PCDH15: variants seen among roughly 807,000 people sequenced by gnomAD.
PCDH15 encodes protocadherin related 15.
In PCDH15, 129 loss-of-function variants were observed where a neutral mutation model predicts 178.5. The observed-to-expected ratio is 0.72, with a 90% CI of 0.63 to 0.84. The LOEUF (loss-of-function observed/expected upper bound fraction) is 0.84. Ranked by LOEUF, PCDH15 falls within the 40% of genes least tolerant of loss-of-function variation. The pLI is 0.00. For synonymous variants in PCDH15, 800 were observed against 732.0 expected (o/e 1.09, Z -1.50); for missense variants, 2,230 against 2,099.9 (o/e 1.06, Z -1.21).
chr10:54,788,196 T>TA (rs1951070976), intron 1 of PCDH15, among the ~76,000 whole-genome samples: 1 of 151,776 alleles, frequency 6.6e-6, no homozygotes, highest in Non-Finnish European at 1.5e-5. Context: ...CAAACAGGGA[T>TA]AAAACAGGGC....
At chr10:53,962,188 C>T (rs1388777630) in intron 21 of PCDH15, among the ~76,000 whole-genome samples, 3 of 152,120 alleles carry the variant, frequency 2.0e-5, no homozygotes, top group Non-Finnish European at 4.4e-5. Context: ...TGAATTACAT[C>T]TTCCTCCCAA....
intron 1 of PCDH15, among the ~76,000 whole-genome samples, chr10:55,233,712 C>G (rs942157741): frequency 3.3e-5 from 5 of 152,050 alleles, no homozygotes; most frequent in Non-Finnish European, 7.4e-5. Flanking sequence ...TGACACCTTA[C>G]TATGTTGGTT....
Position 54,242,142 on chromosome 10 carries a change from A to G in PCDH15, c.877-5211T>C, listed in dbSNP as rs1267064418. Reference sequence around the variant, plus strand: ...CTGAATTCTATTTTTATATATATATATATATATATATATATATATATATAT... The same window carrying G: ...CTGAATTCTATTTTTATATATATATGTATATATATATATATATATATATAT... On this transcript the variant is annotated intron_variant, in intron 8 of 37. Transcript: ENST00000644397. Among the ~76,000 whole-genome samples, 141 of 36,574 alleles carry G rather than the reference A, an allele frequency of 3.9e-3. 2 individuals are homozygous for G. Among genetic ancestry groups the G allele is most frequent in the African/African-American group, 0.022 (125 of 5,732 alleles). 24.0% of individuals were successfully genotyped at this position (36,574 alleles called of 152,430 possible). A position where few individuals can be genotyped will look rare whatever the true frequency, so the allele number is the denominator to read the frequency against.
chr10:55,064,551 T>C (rs1006318319), intron 2 of PCDH15, among the ~76,000 whole-genome samples: 1 of 152,084 alleles, frequency 6.6e-6, no homozygotes, highest in Non-Finnish European at 1.5e-5. Flanking sequence ...TTAATAAGTG[T>C]CTAGTTTCTG....
chr10:55,586,284 A>T (rs2132126241), intron 2 of PCDH15, among the ~76,000 whole-genome samples: 1 of 151,984 alleles, frequency 6.6e-6, no homozygotes, highest in African/African-American at 2.4e-5. Context: ...TAATTCAAAT[A>T]TTATTTCAAA....
chr10:55,478,585 A>G (rs1444381472), intron 2 of PCDH15, among the ~76,000 whole-genome samples: 2 of 151,480 alleles, frequency 1.3e-5, no homozygotes, highest in African/African-American at 2.4e-5. Flanking sequence ...GTTGTACCTC[A>G]AGAACCTAGA....
At chr10:54,523,376 A>G (rs1269006870) in intron 3 of PCDH15, among the ~76,000 whole-genome samples, 8 of 152,168 alleles carry the variant, frequency 5.3e-5, no homozygotes, top group Admixed American at 5.2e-4. Flanking sequence ...TTTTATATTG[A>G]GTATACTTAA....
intron 2 of PCDH15, among the ~76,000 whole-genome samples, chr10:55,378,284 C>T (rs1837447378): frequency 6.6e-6 from 1 of 151,908 alleles, no homozygotes; most frequent in Non-Finnish European, 1.5e-5. Flanking sequence ...CTTCAAGAGG[C>T]TTATAGAACA....
intron 1 of PCDH15, among the ~76,000 whole-genome samples, chr10:55,263,143 T>C (rs1017097690): frequency 6.6e-6 from 1 of 152,172 alleles, no homozygotes; most frequent in Non-Finnish European, 1.5e-5. Context: ...GTCTCTGTTG[T>C]AAAACCCTGG....
At chr10:54,955,841 A>T (rs1838471871) in intron 2 of PCDH15, among the ~76,000 whole-genome samples, 1 of 151,308 alleles carries the variant, frequency 6.6e-6, no homozygotes, top group South Asian at 2.1e-4. Context: ...CTCTGACTAA[A>T]AATCCAAGCA....
chr10:55,228,359 A>G (rs1468186144), intron 1 of PCDH15, among the ~76,000 whole-genome samples: 4 of 152,066 alleles, frequency 2.6e-5, no homozygotes, highest in African/African-American at 9.7e-5. Flanking sequence ...AGATCAAAAA[A>G]AAAATTGTGT....
chr10:53,991,049 G>T (rs537978857), intron 21 of PCDH15, among the ~76,000 whole-genome samples: 1 of 152,082 alleles, frequency 6.6e-6, no homozygotes, highest in Non-Finnish European at 1.5e-5. Context: ...ACCTCCCCAC[G>T]GGGCAGGGCT....
chr10:55,158,693 T>TAAAAAA (rs71014458), intron 2 of PCDH15, among the ~76,000 whole-genome samples: 1 of 141,792 alleles, frequency 7.1e-6, no homozygotes, highest in African/African-American at 2.7e-5. Flanking sequence ...TTGTTCTAAG[T>TAAAAAA]AAAAAAAAAA....
At chr10:54,744,595 C>T (rs565845660) in intron 1 of PCDH15, among the ~76,000 whole-genome samples, 4 of 152,018 alleles carry the variant, frequency 2.6e-5, no homozygotes, top group Admixed American at 6.6e-5. Flanking sequence ...ATTAGAGTAT[C>T]GCTGAAATCT....
At chr10:54,626,936 A>T (rs139568670) in intron 2 of PCDH15, among the ~76,000 whole-genome samples, 1 of 152,304 alleles carries the variant, frequency 6.6e-6, no homozygotes, top group East Asian at 1.9e-4. Flanking sequence ...CACCTCTTCC[A>T]TCAGTGTGAC....
At chr10:55,555,206 T>C (rs936553344) in intron 2 of PCDH15, among the ~76,000 whole-genome samples, 1 of 152,062 alleles carries the variant, frequency 6.6e-6, no homozygotes, top group Non-Finnish European at 1.5e-5. Flanking sequence ...GTGTTTCAAG[T>C]CCACTTAATC....
At chr10:54,493,312 TG>T (rs78394018) in intron 3 of PCDH15, among the ~76,000 whole-genome samples, 2 of 148,530 alleles carry the variant, frequency 1.3e-5, no homozygotes, top group East Asian at 4.3e-4. Flanking sequence ...TCTCTGGGGG[TG>T]GGGGCAAACA....
At chr10:54,090,987 G>A (rs1409376690) in intron 15 of PCDH15, among the ~76,000 whole-genome samples, 4 of 152,004 alleles carry the variant, frequency 2.6e-5, no homozygotes, top group African/African-American at 7.2e-5. Flanking sequence ...CCTTTTTGTT[G>A]GTTTTTCTTC....
intron 1 of PCDH15, among the ~76,000 whole-genome samples, chr10:55,304,475 T>A (rs1325663034): frequency 6.6e-6 from 1 of 152,218 alleles, no homozygotes; most frequent in African/African-American, 2.4e-5. Flanking sequence ...TATATAAATG[T>A]AACTTATATT....
Sources: gnomAD v4.1 joint callset for allele counts (sites outside exome capture counted in the v4.1 genomes callset) on GRCh38, gnomAD v4.1.1 for gene constraint, MANE v1.5 for transcripts, NCBI Gene and HGNC (gene_info 2026-07-23, HGNC 2026-07-21) for gene names.